The following KLHL14 variants were observed in gnomAD, a reference collection of about 807,000 sequenced individuals.
KLHL14 encodes the protein kelch like family member 14.
A neutral mutation model predicts 64.3 loss-of-function variants in KLHL14; 22 were observed. The observed-to-expected ratio is 0.34, with a 90% confidence interval of 0.24 to 0.49. KLHL14 has a LOEUF of 0.49. Ranked by LOEUF, KLHL14 falls within the 20% of genes least tolerant of loss-of-function variation. The probability of loss-of-function intolerance (pLI) is 0.99; values close to 1 mark genes in which losing one functional copy is unlikely to be tolerated. For synonymous variants in KLHL14, 322 were observed against 333.4 expected (o/e 0.97, Z 0.37); for missense variants, 661 against 789.0 (o/e 0.84, Z 1.94).
At chr18:32,714,634 A>C (rs2144503238) in intron 3 of KLHL14, among the ~76,000 whole-genome samples, 1 of 152,304 alleles carries the variant, frequency 6.6e-6, no homozygotes, top group East Asian at 1.9e-4. Flanking sequence ...GAAATGTTGA[A>C]GGAAGAATGA....
intron 3 of KLHL14, among the ~76,000 whole-genome samples, chr18:32,700,423 T>G (rs938931027): frequency 6.6e-6 from 1 of 152,130 alleles, no homozygotes; most frequent in Non-Finnish European, 1.5e-5. Context: ...CCTCTTACCC[T>G]CGGCCCACCC....
intron 7 of KLHL14, 134 bp from the exon 8 acceptor site, chr18:32,677,464 T>C: frequency 1.3e-6 from 1 of 789,014 alleles, no homozygotes; most frequent in South Asian, 2.1e-5. Context: ...ATGCATAAAT[T>C]CACTGAGATT....
rs554584287 is a variant in KLHL14, at chr18:32,713,065, G to A, written c.1070-17513C>T. On this transcript the variant is annotated intron_variant, in intron 3 of 8. Transcript: ENST00000359358. The stretch of plus-strand genomic sequence containing the variant: ...CATCCACACTTAATACTTTGTTTTT[G>A]TTAATAAAGTTTTATTGGAACATGG... Among the ~76,000 whole-genome samples the A allele has an allele frequency of 3.3e-5, 5 of 152,180 alleles. No homozygotes were observed. The East Asian group carries it at 9.7e-4, about 29-fold the overall frequency.
At chr18:32,731,735 A>C (rs569084146) in intron 3 of KLHL14, among the ~76,000 whole-genome samples, 4 of 151,904 alleles carry the variant, frequency 2.6e-5, no homozygotes, top group Non-Finnish European at 4.4e-5. Context: ...TATATAAATA[A>C]TTTATATATA....
At chr18:32,720,645 G>A (rs1236455491) in intron 3 of KLHL14, among the ~76,000 whole-genome samples, 1 of 152,052 alleles carries the variant, frequency 6.6e-6, no homozygotes, top group Non-Finnish European at 1.5e-5. Context: ...GGCTTGGGAT[G>A]ACATGCGGCC....
intron 2 of KLHL14, among the ~76,000 whole-genome samples, chr18:32,763,062 C>CA (rs2050322633): frequency 6.6e-6 from 1 of 150,642 alleles, no homozygotes; most frequent in Non-Finnish European, 1.5e-5. Context: ...CTTCAGTGCA[C>CA]AGAAATCCAG....
At chr18:32,676,493 G>T (rs1402773873) in intron 8 of KLHL14, among the ~76,000 whole-genome samples, 9 of 152,130 alleles carry the variant, frequency 5.9e-5, no homozygotes, top group Non-Finnish European at 2.9e-5. Flanking sequence ...TGGATATAAA[G>T]GAATTATTGT....
At chr18:32,721,762 A>T (rs8098984) in intron 3 of KLHL14, among the ~76,000 whole-genome samples, 44,773 of 151,974 alleles carry the variant, frequency 0.29, 6,859 homozygotes, top group African/African-American at 0.37. Context: ...GTTGGGAAAA[A>T]TTTTACCAAT....
At chr18:32,756,215 C>T (rs1428264765) in intron 2 of KLHL14, among the ~76,000 whole-genome samples, 1 of 152,188 alleles carries the variant, frequency 6.6e-6, no homozygotes, top group Non-Finnish European at 1.5e-5. Context: ...AGATCTTCCT[C>T]TGCATGTAAG....
intron 8 of KLHL14, among the ~76,000 whole-genome samples, chr18:32,675,030 A>G (rs2049804469): frequency 6.6e-6 from 1 of 152,160 alleles, no homozygotes. Context: ...TAAAAGTTAA[A>G]TAAATACCTA....
At position 32,734,904 on chromosome 18, in the gene KLHL14, G is replaced by A. The variant is rs138797715; in HGVS notation, c.1069+7024C>T. On this transcript the variant is annotated intron_variant, in intron 3 of 8. Transcript: ENST00000359358. ...TTACTCTGTGTGTGTGTGTGTGTGC[G>A]TGCACGCGCACACATGCTCTTTGAT... Among the ~76,000 whole-genome samples, 453 of 152,248 alleles carry A rather than the reference G, an allele frequency of 3.0e-3. 5 individuals are homozygous for A. The highest frequency in any genetic ancestry group is 4.1e-3 in the Non-Finnish European group (278 of 68,020).
intron 4 of KLHL14, among the ~76,000 whole-genome samples, chr18:32,687,580 A>G (rs2144476263): frequency 6.6e-6 from 1 of 152,348 alleles, no homozygotes; most frequent in African/African-American, 2.4e-5. Context: ...TAAACACAGT[A>G]AGTTATTGTC....
intron 5 of KLHL14, among the ~76,000 whole-genome samples, chr18:32,682,158 T>C (rs1255081928): frequency 6.6e-6 from 1 of 152,240 alleles, no homozygotes; most frequent in African/African-American, 2.4e-5. Flanking sequence ...AATATTTGTT[T>C]AGATAATTTG....
At chr18:32,720,092 A>G (rs577055136) in intron 3 of KLHL14, among the ~76,000 whole-genome samples, 1 of 152,254 alleles carries the variant, frequency 6.6e-6, no homozygotes, top group Non-Finnish European at 1.5e-5. Flanking sequence ...AGGCATGAGC[A>G]CTGGCCTGGG....
chr18:32,712,153 C>T (rs1310874863), intron 3 of KLHL14, among the ~76,000 whole-genome samples: 3 of 152,142 alleles, frequency 2.0e-5, no homozygotes, highest in Non-Finnish European at 4.4e-5. Flanking sequence ...TGAATAGTTG[C>T]AGCAGAGATC....
At chr18:32,739,958 G>C (rs763787502) in intron 3 of KLHL14, among the ~76,000 whole-genome samples, 8 of 152,044 alleles carry the variant, frequency 5.3e-5, no homozygotes, top group Non-Finnish European at 1.0e-4. Context: ...AACTTTTTGA[G>C]TGCATTCTAT....
At position 32,741,913 on chromosome 18, in the gene KLHL14, A is replaced by G. The variant is rs1441755247; in HGVS notation, c.1069+15T>C. The G allele has an allele frequency of 6.4e-7, 1 of 1,559,074 alleles. No homozygotes were observed. The highest frequency in any genetic ancestry group is 8.6e-7 in the Non-Finnish European group (1 of 1,158,326). ...TAAATAGGTGAGTGAATAAATAAAT[A>G]AATAATGCACTCACTTGTGAGTATT... On this transcript the variant is annotated intron_variant, in intron 3 of 8. Coordinates refer to ENST00000359358, the MANE Select transcript of KLHL14 (RefSeq NM_020805.3).
At chr18:32,761,393 C>CTTTTT (rs10676001) in intron 2 of KLHL14, among the ~76,000 whole-genome samples, 5,045 of 126,968 alleles carry the variant, frequency 0.04, 402 homozygotes, top group African/African-American at 0.13. Flanking sequence ...GCCACACATC[C>CTTTTT]TTTTTTTTTT....
intron 3 of KLHL14, among the ~76,000 whole-genome samples, chr18:32,724,650 C>T (rs1461815799): frequency 2.0e-5 from 3 of 152,130 alleles, no homozygotes; most frequent in African/African-American, 7.2e-5. Flanking sequence ...ATGTTAGGCA[C>T]AGAGCACAAT....
Sources: gnomAD v4.1 joint callset for allele counts (sites outside exome capture counted in the v4.1 genomes callset) on GRCh38, gnomAD v4.1.1 for gene constraint, MANE v1.5 for transcripts, NCBI Gene and HGNC (gene_info 2026-07-23, HGNC 2026-07-21) for gene names.